The following LRRC4C variants were observed in gnomAD, a reference collection of about 807,000 sequenced individuals.
The protein encoded by LRRC4C is leucine-rich repeat-containing protein 4C.
Under a neutral mutation model 33.6 loss-of-function variants are expected in LRRC4C, and 5 were observed. The observed-to-expected ratio is 0.15, with a 90% CI of 0.08 to 0.31. The LOEUF (loss-of-function observed/expected upper bound fraction) is 0.31, where lower values mean the gene tolerates loss of function less well. LRRC4C is among the 10% of genes least tolerant of loss of function. The probability of loss-of-function intolerance (pLI) is 1.00; values close to 1 mark genes in which losing one functional copy is unlikely to be tolerated. For synonymous variants in LRRC4C, 329 were observed against 302.0 expected (o/e 1.09, Z -0.93); for missense variants, 560 against 796.7 (o/e 0.70, Z 3.58).
intron 1 of LRRC4C, among the ~76,000 whole-genome samples, chr11:40,944,330 GT>G (rs1417583431): frequency 6.6e-6 from 1 of 152,052 alleles, no homozygotes; most frequent in Non-Finnish European, 1.5e-5. Flanking sequence ...CAAGATTTGT[GT>G]TTTTCATGAA....
chr11:40,302,881 A>C lies in LRRC4C; in HGVS notation c.-176+16747T>G, dbSNP rs559449775. Among the ~76,000 whole-genome samples the C allele has an allele frequency of 2.6e-5, 4 of 152,326 alleles. No individual in the cohort carries two copies. In the South Asian group the frequency reaches 8.3e-4, roughly 32 times the overall value. On this transcript the variant is annotated intron_variant, in intron 4 of 6. Coordinates refer to ENST00000528697, the MANE Select transcript of LRRC4C (RefSeq NM_001258419.2). The stretch of plus-strand genomic sequence containing the variant: ...GCAAGTCTGGAATTTCATAGACCTC[A>C]GTCTGAATCTGACATTCATTGTTTG...
chr11:40,476,614 G>A (rs919315821), intron 3 of LRRC4C, among the ~76,000 whole-genome samples: 1 of 152,096 alleles, frequency 6.6e-6, no homozygotes, highest in Non-Finnish European at 1.5e-5. Flanking sequence ...AAAGTGCTGG[G>A]ATTACAGGCG....
chr11:40,544,577 G>C (rs1345565845), intron 3 of LRRC4C, among the ~76,000 whole-genome samples: 2 of 152,000 alleles, frequency 1.3e-5, no homozygotes, highest in Non-Finnish European at 2.9e-5. Context: ...AAATACACTT[G>C]GCATTGTATA....
chr11:40,478,445 A>G (rs1430409872), intron 3 of LRRC4C, among the ~76,000 whole-genome samples: 1 of 152,088 alleles, frequency 6.6e-6, no homozygotes, highest in Admixed American at 6.6e-5. Context: ...CTGTCATGCA[A>G]TTGAGTTTGT....
At chr11:40,510,141 A>G (rs1487332504) in intron 3 of LRRC4C, among the ~76,000 whole-genome samples, 2 of 151,080 alleles carry the variant, frequency 1.3e-5, no homozygotes, top group Non-Finnish European at 2.9e-5. Context: ...TGTCTGACAT[A>G]GAACCCTGCA....
At chr11:40,786,530 G>A (rs572132659) in intron 2 of LRRC4C, among the ~76,000 whole-genome samples, 6 of 152,208 alleles carry the variant, frequency 3.9e-5, no homozygotes, top group South Asian at 4.2e-4. Context: ...ACATATAAAC[G>A]TATATCATAT....
At chr11:40,886,986 G>T (rs1955495694) in intron 2 of LRRC4C, among the ~76,000 whole-genome samples, 1 of 144,436 alleles carries the variant, frequency 6.9e-6, no homozygotes, top group Non-Finnish European at 1.5e-5. Context: ...ATATATACGT[G>T]TATATATCTA....
intron 1 of LRRC4C, among the ~76,000 whole-genome samples, chr11:41,167,459 AT>A (rs1944781323): frequency 6.6e-6 from 1 of 152,160 alleles, no homozygotes; most frequent in Non-Finnish European, 1.5e-5. Flanking sequence ...GTAGCAGGAA[AT>A]GGAAAACATT....
At chr11:41,380,418 T>C (rs765875479) in intron 1 of LRRC4C, among the ~76,000 whole-genome samples, 7 of 152,132 alleles carry the variant, frequency 4.6e-5, no homozygotes, top group Non-Finnish European at 8.8e-5. Flanking sequence ...GAAATGTAGA[T>C]AGAAACTTTT....
At chr11:40,524,440 A>G (rs1258842798) in intron 3 of LRRC4C, among the ~76,000 whole-genome samples, 3 of 152,222 alleles carry the variant, frequency 2.0e-5, no homozygotes, top group African/African-American at 4.8e-5. Flanking sequence ...TTTCATATTG[A>G]ACACATATAT....
chr11:40,657,328 C>A (rs889520556), intron 2 of LRRC4C, among the ~76,000 whole-genome samples: 1 of 152,146 alleles, frequency 6.6e-6, no homozygotes, highest in South Asian at 2.1e-4. Flanking sequence ...GTATAAGTAG[C>A]TCCAAATATT....
intron 1 of LRRC4C, among the ~76,000 whole-genome samples, chr11:41,309,314 C>G (rs1304269227): frequency 6.6e-6 from 1 of 152,162 alleles, no homozygotes; most frequent in African/African-American, 2.4e-5. Context: ...AGGGCTCATT[C>G]ACCACAGAAA....
chr11:40,188,579 T>C (rs922847032), intron 5 of LRRC4C, among the ~76,000 whole-genome samples: 36 of 152,148 alleles, frequency 2.4e-4, no homozygotes, highest in African/African-American at 8.7e-4. Context: ...TTTCAAAAGG[T>C]TTGAACAAAA....
In LRRC4C at chr11:40,812,316, T is replaced by C. The variant is rs574190743; in HGVS notation, c.-407+121319A>G. ...TTATGTGACTTAGGCCTCTGACTGA[T>C]ACACAGTCTTCTCCTTTATAGAATG... On this transcript the variant is annotated intron_variant, in intron 2 of 6. Transcript: ENST00000528697. Among the ~76,000 whole-genome samples the C allele has an allele frequency of 4.8e-4, 73 of 152,330 alleles. 1 individual carries two copies. The South Asian group carries it at 0.014, about 29-fold the overall frequency.
intron 5 of LRRC4C, among the ~76,000 whole-genome samples, chr11:40,146,847 G>A (rs1011702386): frequency 6.6e-6 from 1 of 152,106 alleles, no homozygotes; most frequent in South Asian, 2.1e-4. Flanking sequence ...CTCAACACTG[G>A]TATCTAGATA....
intron 1 of LRRC4C, among the ~76,000 whole-genome samples, chr11:40,955,689 G>A (rs1386398149): frequency 6.6e-6 from 1 of 151,606 alleles, no homozygotes; most frequent in African/African-American, 2.4e-5. Context: ...ACCTCATTAG[G>A]AGTTTATAAA....
intron 1 of LRRC4C, among the ~76,000 whole-genome samples, chr11:41,193,374 T>A (rs1355833386): frequency 6.6e-6 from 1 of 152,062 alleles, no homozygotes; most frequent in Non-Finnish European, 1.5e-5. Context: ...TCATTACACA[T>A]CATATTCTAT....
At chr11:40,524,009 G>A (rs756719759) in intron 3 of LRRC4C, among the ~76,000 whole-genome samples, 11 of 152,052 alleles carry the variant, frequency 7.2e-5, no homozygotes, top group Non-Finnish European at 1.3e-4. Flanking sequence ...AACTTTAATG[G>A]CAATAAAGTT....
intron 2 of LRRC4C, among the ~76,000 whole-genome samples, chr11:40,725,149 T>C (rs1460141207): frequency 1.3e-5 from 2 of 152,180 alleles, no homozygotes; most frequent in Non-Finnish European, 2.9e-5. Context: ...AGCAGGACTC[T>C]AGCATTCCTG....
Sources: allele counts gnomAD v4.1 joint callset (sites outside exome capture counted in the v4.1 genomes callset), GRCh38; gene constraint gnomAD v4.1.1; transcripts MANE v1.5; gene names NCBI Gene and HGNC (gene_info 2026-07-23, HGNC 2026-07-21).